ANKRD44: variants seen among roughly 807,000 people sequenced by gnomAD.
The protein encoded by ANKRD44 is serine/threonine-protein phosphatase 6 regulatory ankyrin repeat subunit B.
A neutral mutation model predicts 116.0 loss-of-function variants in ANKRD44; 35 were observed. The ratio of observed to expected loss-of-function variants is 0.30; its 90% CI spans 0.23 to 0.40. The LOEUF (loss-of-function observed/expected upper bound fraction) is 0.40. ANKRD44 is among the 10% of genes least tolerant of loss of function. The probability of loss-of-function intolerance (pLI) is 1.00; values close to 1 mark genes in which losing one functional copy is unlikely to be tolerated. For missense variants in ANKRD44, 1,014 were observed against 1,242.6 expected, an observed-to-expected ratio of 0.82 and a Z score of 2.77; for synonymous variants, 435 against 461.8, an observed-to-expected ratio of 0.94 and a Z score of 0.74.
intron 2 of ANKRD44, among the ~76,000 whole-genome samples, chr2:197,150,669 C>A (rs2079622573): frequency 6.6e-6 from 1 of 152,116 alleles, no homozygotes; most frequent in South Asian, 2.1e-4. Context: ...CGGTAAACAT[C>A]ATTTTAAATG....
At chr2:197,106,991 A>G (rs925256498) in intron 9 of ANKRD44, among the ~76,000 whole-genome samples, 4 of 150,790 alleles carry the variant, frequency 2.7e-5, no homozygotes, top group Non-Finnish European at 5.9e-5. Flanking sequence ...TTGGAATGCA[A>G]ATGAAATCTC....
At chr2:197,175,389 T>C (rs1407773630) in intron 2 of ANKRD44, among the ~76,000 whole-genome samples, 1 of 152,136 alleles carries the variant, frequency 6.6e-6, no homozygotes, top group African/African-American at 2.4e-5. Flanking sequence ...GAAGAGTCAA[T>C]CCTGCATGTG....
At chr2:197,071,888 AT>A (rs1409087764) in intron 16 of ANKRD44, among the ~76,000 whole-genome samples, 2 of 152,088 alleles carry the variant, frequency 1.3e-5, no homozygotes, top group Middle Eastern at 3.2e-3. Context: ...GGGCATACAT[AT>A]TTAGGACACT....
intron 16 of ANKRD44, chr2:197,078,394 T>C: frequency 2.1e-6 from 1 of 478,582 alleles, no homozygotes; most frequent in Non-Finnish European, 3.4e-6. Context: ...TGCTAATAGG[T>C]CTATACCAAC....
chr2:197,099,389 C>G (rs1384292157), intron 10 of ANKRD44: 2 of 414,222 alleles, frequency 4.8e-6, no homozygotes, highest in African/African-American at 2.2e-5. Flanking sequence ...AAAATGAAGT[C>G]AGGTTCCCCC....
At chr2:197,235,733 A>C (rs2081964671) in intron 1 of ANKRD44, among the ~76,000 whole-genome samples, 2 of 152,000 alleles carry the variant, frequency 1.3e-5, no homozygotes, top group Non-Finnish European at 2.9e-5. Context: ...AAATAATACA[A>C]TACAAATATT....
chr2:197,071,584 T>G (rs892013320), intron 16 of ANKRD44, among the ~76,000 whole-genome samples: 1 of 152,198 alleles, frequency 6.6e-6, no homozygotes, highest in Non-Finnish European at 1.5e-5. Context: ...TTCTTTTATG[T>G]TTTTTGAATT....
chr2:197,278,460 A>C (rs567539176), intron 1 of ANKRD44, among the ~76,000 whole-genome samples: 11 of 151,216 alleles, frequency 7.3e-5, no homozygotes, highest in Non-Finnish European at 1.5e-4. Flanking sequence ...GGGTTCAAGC[A>C]ATTCTCCTGC....
intron 1 of ANKRD44, among the ~76,000 whole-genome samples, chr2:197,227,457 T>C (rs536821347): frequency 1.3e-5 from 2 of 152,166 alleles, no homozygotes; most frequent in South Asian, 4.2e-4. Flanking sequence ...CAAACTAGGG[T>C]TTAGTGAACA....
intron 4 of ANKRD44, chr2:197,133,947 C>CTTTTTTTTTTTTTTTTTTTTTTTT (rs60432411): frequency 1.8e-5 from 1 of 56,458 alleles, no homozygotes; most frequent in African/African-American, 4.8e-5. Flanking sequence ...CTTTTTCTTT[C>CTTTTTTTTTTTTTTTTTTTTTTTT]TTTTTTTTTT....
At chr2:197,068,398 TAA>T (rs1447836305) in intron 16 of ANKRD44, among the ~76,000 whole-genome samples, 1 of 61,412 alleles carries the variant, frequency 1.6e-5, no homozygotes, top group African/African-American at 4.1e-5. Context: ...AAAAAAAAAA[TAA>T]AAATAAAATA....
At chr2:197,126,316 G>A (rs1397415530) in intron 4 of ANKRD44, among the ~76,000 whole-genome samples, 1 of 152,182 alleles carries the variant, frequency 6.6e-6, no homozygotes, top group Non-Finnish European at 1.5e-5. Flanking sequence ...CAATGTAGAA[G>A]GCACTCTTAG....
At chr2:197,096,260 T>TAG (rs534840197) in intron 10 of ANKRD44, among the ~76,000 whole-genome samples, 2 of 152,186 alleles carry the variant, frequency 1.3e-5, no homozygotes, top group Non-Finnish European at 2.9e-5. Flanking sequence ...TCCCAGAACC[T>TAG]GGCATCATAG....
At chr2:197,036,164 A>T (rs1488852099) in intron 16 of ANKRD44, among the ~76,000 whole-genome samples, 1 of 152,192 alleles carries the variant, frequency 6.6e-6, no homozygotes, top group Non-Finnish European at 1.5e-5. Flanking sequence ...TGTATGTATG[A>T]ATCAAACCTA....
At chr2:197,143,002 A>G (rs907990816) in intron 3 of ANKRD44, among the ~76,000 whole-genome samples, 2 of 151,388 alleles carry the variant, frequency 1.3e-5, no homozygotes, top group Non-Finnish European at 2.9e-5. Flanking sequence ...AGTAAATTAA[A>G]TTAAAATTTA....
chr2:197,103,219 C>T (rs1008572747), intron 9 of ANKRD44, among the ~76,000 whole-genome samples: 2 of 113,176 alleles, frequency 1.8e-5, no homozygotes, highest in African/African-American at 3.1e-5. Context: ...CAGAGTGAGA[C>T]TCCATCTCAA....
intron 16 of ANKRD44, among the ~76,000 whole-genome samples, chr2:197,061,039 T>C (rs548249529): frequency 6.6e-6 from 1 of 152,354 alleles, no homozygotes; most frequent in South Asian, 2.1e-4. Flanking sequence ...TTTAGATATA[T>C]ATCTGGAAGA....
intron 16 of ANKRD44, among the ~76,000 whole-genome samples, chr2:197,052,737 G>A (rs902126401): frequency 6.6e-5 from 10 of 152,104 alleles, no homozygotes; most frequent in African/African-American, 2.2e-4. Flanking sequence ...GCCTCAATTC[G>A]TCTCTTTTAG....
At position 197,052,301 on chromosome 2, in the gene ANKRD44, G is replaced by C. The variant is rs567896819; in HGVS notation, c.1650+26402C>G. On this transcript the variant is annotated intron_variant, in intron 16 of 27. Coordinates refer to ENST00000282272, the MANE Select transcript of ANKRD44 (RefSeq NM_001195144.2). ...AACCAAACCATCTAAATAACTTTACGAATAGCCTTTCTTGATCGATTTTTA... is the reference window on the plus strand; with the variant it reads ...AACCAAACCATCTAAATAACTTTACCAATAGCCTTTCTTGATCGATTTTTA... Among the ~76,000 whole-genome samples the C allele has an allele frequency of 2.6e-4, 40 of 152,246 alleles. 1 individual carries two copies. Among genetic ancestry groups the C allele is most frequent in the Admixed American group, 5.9e-4 (9 of 15,288 alleles).
Sources: gnomAD v4.1 joint callset for allele counts (sites outside exome capture counted in the v4.1 genomes callset) on GRCh38, gnomAD v4.1.1 for gene constraint, MANE v1.5 for transcripts, NCBI Gene and HGNC (gene_info 2026-07-23, HGNC 2026-07-21) for gene names.